SERPINB9: variants seen among roughly 807,000 people sequenced by gnomAD.
SERPINB9 encodes serpin B9.
SERPINB9 carries 20 observed loss-of-function variants against 27.2 expected under a neutral mutation model. The ratio of observed to expected loss-of-function variants is 0.74; its 90% CI spans 0.52 to 1.07. The LOEUF is 1.07. Ranked by LOEUF, SERPINB9 falls within the 50% of genes least tolerant of loss-of-function variation. The pLI, the probability that SERPINB9 is intolerant of heterozygous loss-of-function variation, is 0.00. For synonymous variants in SERPINB9, 189 were observed against 180.0 expected, an observed-to-expected ratio of 1.05 and a Z score of -0.40; for missense variants, 476 against 460.1, an observed-to-expected ratio of 1.03 and a Z score of -0.32.
At position 2,896,142 on chromosome 6, in the gene SERPINB9, G is replaced by C; in HGVS notation, c.217C>G (p.Leu73Val). 4 of 1,614,110 alleles carry C rather than the reference G, an allele frequency of 2.5e-6. No individual in the cohort carries two copies. Among genetic ancestry groups the C allele is most frequent in the Non-Finnish European group, 3.4e-6 (4 of 1,179,984 alleles). Residue 73 changes from leucine to valine, a missense_variant, in exon 3 of 7, where the codon CTT (leucine) becomes GTT (valine). Leu to Val is a conservative substitution (Grantham distance 32, BLOSUM62 1). Transcript: ENST00000380698. The stretch of plus-strand genomic sequence containing the variant: ...CCAGCCTTGTTCACTTCAGTGAGAA[G>C]CGACTGGAAAGCCCGATGAATGTCT... ...EEDIHRAFQS[L>V]LTEVNKAGTQ...
rs61100591 is a variant in SERPINB9, at chr6:2,900,885, T to TCTCTCTCTCA, written c.-10-265_-10-264insTGAGAGAGAG. On this transcript the variant is annotated intron_variant, in intron 1 of 6. Transcript: ENST00000380698. ...TGGCTCGCCTGCAGAGCTCGCTCTC[T>TCTCTCTCTCA]CACACACACACACACACACACACAC... Among the ~76,000 whole-genome samples the TCTCTCTCTCA allele has an allele frequency of 1.6e-3, 221 of 141,570 alleles. 1 individual carries two copies. Among genetic ancestry groups the TCTCTCTCTCA allele is most frequent in the African/African-American group, 6.0e-3 (216 of 35,842 alleles). The allele number at this position is 141,570 out of a possible 152,430, so 92.9% of individuals were successfully genotyped here. A position where few individuals can be genotyped will look rare whatever the true frequency, so the allele number is the denominator to read the frequency against.
In SERPINB9 at chr6:2,890,635, T is replaced by G; in HGVS notation, c.724-65A>C. 6.8e-7 allele frequency: 1 copy of G among 1,463,972 alleles called. No individual in the cohort carries two copies. Among genetic ancestry groups the G allele is most frequent in the Non-Finnish European group, 9.3e-7 (1 of 1,072,042 alleles). The allele number at this position is 1,463,972 out of a possible 1,614,324, so 90.7% of individuals were successfully genotyped here. On this transcript the variant is annotated intron_variant, in intron 6 of 6. Coordinates refer to ENST00000380698, the MANE Select transcript of SERPINB9 (RefSeq NM_004155.6). The surrounding 1 kb of genome is among the most constrained non-coding windows in gnomAD (Gnocchi z 6.2). ...TGCACATGTACAAGCGCACAGGCAC[T>G]CACAGTTCCCTTCCTCCCCTTGCAC...
chr6:2,900,779 G>T (rs1248919799), intron 1 of SERPINB9, among the ~76,000 whole-genome samples, 158 bp from the exon 2 acceptor site: 3 of 151,890 alleles, frequency 2.0e-5, no homozygotes. Flanking sequence ...TTAGTCTCCG[G>T]CCAAAAATTA....
chr6:2,891,769 G>A lies in SERPINB9; in HGVS notation c.723+64C>T. Reference sequence around the variant, plus strand: ...ACTCAGAAGGTGAATATGAGAGGTGGAAGTGGCACTCGAGTTCTGCCCGCA... The same window carrying A: ...ACTCAGAAGGTGAATATGAGAGGTGAAAGTGGCACTCGAGTTCTGCCCGCA... On this transcript the variant is annotated intron_variant, in intron 6 of 6. Coordinates refer to ENST00000380698, the MANE Select transcript of SERPINB9 (RefSeq NM_004155.6). The surrounding 1 kb of genome is among the most constrained non-coding windows in gnomAD (Gnocchi z 4.0). 1 of 1,514,664 alleles carries A rather than the reference G, an allele frequency of 6.6e-7. No homozygotes were observed. The allele number at this position is 1,514,664 out of a possible 1,614,324, so 93.8% of individuals were successfully genotyped here. A position where few individuals can be genotyped will look rare whatever the true frequency, so the allele number is the denominator to read the frequency against.
intron 2 of SERPINB9, among the ~76,000 whole-genome samples, chr6:2,897,434 C>A (rs935734897): frequency 4.6e-5 from 7 of 152,112 alleles, no homozygotes; most frequent in Non-Finnish European, 8.8e-5. Context: ...CCACTGCACT[C>A]CAGCCTGGGC....
chr6:2,888,593 C>T lies in SERPINB9; in HGVS notation c.*1570G>A, dbSNP rs1297328233. ...GAAGCCAGACACAAAAGGTCTCATA[C>T]AATTCAATTTATATAAAATAGCAAG... On this transcript the variant is annotated 3_prime_UTR_variant, in exon 7 of 7. Transcript: ENST00000380698. 1 of 152,110 alleles carries T rather than the reference C, an allele frequency of 6.6e-6. No individual in the cohort carries two copies. The highest frequency in any genetic ancestry group is 6.5e-5 in the Admixed American group (1 of 15,272). The allele number at this position is 152,110 out of a possible 1,614,324, so 9.4% of individuals were successfully genotyped here.
rs145879309 is a variant in SERPINB9, at chr6:2,891,918, C to T, written c.638G>A (p.Arg213His). ...TFKLAHVGEV[R>H]AQLLELPYAR... ...GTAGGGCAGCTCCAGCAGCTGCGCG[C>T]GCACCTCGCCCACGTGGGCGAGCTT... The change falls in exon 6 of 7, where the codon CGC (arginine) becomes CAC (histidine). Residue 213 changes from arginine to histidine, a missense_variant. Physicochemically the swap from Arg to His is conservative, Grantham distance 29 (BLOSUM62 0). Coordinates refer to ENST00000380698, the MANE Select transcript of SERPINB9 (RefSeq NM_004155.6). The surrounding 1 kb of genome is among the most constrained non-coding windows in gnomAD (Gnocchi z 4.0). 4.3e-6 allele frequency: 7 copies of T among 1,613,178 alleles called. No homozygotes were observed. The Admixed American group carries it at 5.0e-5, about 12-fold the overall frequency.
At chr6:2,902,762 A>C (rs1581203575) in intron 1 of SERPINB9, among the ~76,000 whole-genome samples, 1 of 152,092 alleles carries the variant, frequency 6.6e-6, no homozygotes, top group South Asian at 2.1e-4. Flanking sequence ...CAAGGATCCG[A>C]CCGCCTTGGC....
At chr6:2,895,350 G>C in intron 4 of SERPINB9, 41 bp downstream of exon 4, 1 of 1,334,470 alleles carries the variant, frequency 7.5e-7, no homozygotes, top group Non-Finnish European at 1.1e-6. Flanking sequence ...CGCAGGAGGA[G>C]GACGGGTTGG....
Position 2,890,047 on chromosome 6 carries a change from A to T in SERPINB9, c.*116T>A. The T allele has an allele frequency of 1.1e-6, 1 of 934,098 alleles. No individual in the cohort carries two copies. The highest frequency in any genetic ancestry group is 1.8e-5 in the South Asian group (1 of 56,378). The allele number at this position is 934,098 out of a possible 1,614,324, so 57.9% of individuals were successfully genotyped here. A position where few individuals can be genotyped will look rare whatever the true frequency, so the allele number is the denominator to read the frequency against. ...TGGCAAATCATGAGGGCAGACAGGT[A>T]AAGAATCTGCCCTCATCTTTGCACT... On this transcript the variant is annotated 3_prime_UTR_variant, in exon 7 of 7. Coordinates refer to ENST00000380698, the MANE Select transcript of SERPINB9 (RefSeq NM_004155.6). This position sits in a 1 kb window ranked among gnomAD's most constrained non-coding sequence, Gnocchi z 6.2.
rs566457513 is a variant in SERPINB9, at chr6:2,891,561, T to A, written c.723+272A>T. 6.6e-6 allele frequency among the ~76,000 whole-genome samples: 1 copy of A among 152,240 alleles called. No individual in the cohort carries two copies. The highest frequency in any genetic ancestry group is 1.9e-4 in the East Asian group (1 of 5,172). On this transcript the variant is annotated intron_variant, in intron 6 of 6. Transcript: ENST00000380698. This position sits in a 1 kb window ranked among gnomAD's most constrained non-coding sequence, Gnocchi z 4.0. ...ACTAGCAGGATTTTTATAAGCTTCC[T>A]CCTACCTGATTTATTTTAAAAGGCA...
intron 1 of SERPINB9, among the ~76,000 whole-genome samples, chr6:2,902,164 C>T (rs1289873409): frequency 2.0e-5 from 3 of 152,344 alleles, no homozygotes; most frequent in African/African-American, 7.2e-5. Context: ...TCTTCACAAA[C>T]ACTGTTGGTC....
At chr6:2,897,097 G>A (rs1768024824) in intron 2 of SERPINB9, among the ~76,000 whole-genome samples, 1 of 143,326 alleles carries the variant, frequency 7.0e-6, no homozygotes. Flanking sequence ...CTGCACTCCA[G>A]CCTAGGAGAC....
At position 2,891,852 on chromosome 6, in the gene SERPINB9, T is replaced by A; in HGVS notation, c.704A>T (p.Asp235Val). The change falls in exon 6 of 7, where the codon GAC (aspartate) becomes GTC (valine). Residue 235 changes from aspartate to valine, a missense_variant. Transcript: ENST00000380698. The surrounding 1 kb of genome is among the most constrained non-coding windows in gnomAD (Gnocchi z 4.0). ...TCTTACCGTGCTGAGCTCCACGCCG[T>A]CGTCAGGCAGCAGCACCAGCAGGCT... ...ELSLLVLLPDDGVELSTVEKS... is the reference protein window; with the variant it reads ...ELSLLVLLPDVGVELSTVEKS... The A allele has an allele frequency of 2.5e-6, 4 of 1,607,376 alleles. No homozygotes were observed. The highest frequency in any genetic ancestry group is 3.4e-6 in the Non-Finnish European group (4 of 1,179,008).
rs35916133 is a variant in SERPINB9, at chr6:2,887,846, CAAAAAAAAAAAAAA to C, written c.*2303_*2316del. On this transcript the variant is annotated 3_prime_UTR_variant, in exon 7 of 7. Transcript: ENST00000380698. Reference sequence around the variant, plus strand: ...TGGGTGACAGAGTGAGGCACTGTCTCAAAAAAAAAAAAAAAAAAAAAAAAGATACTGAACTAGGC... The same window carrying C: ...TGGGTGACAGAGTGAGGCACTGTCTCAAAAAAAAAAGATACTGAACTAGGC... 9.6e-5 allele frequency: 6 copies of C among 62,432 alleles called. No homozygotes were observed. The Admixed American group carries it at 1.1e-3, about 11-fold the overall frequency. 3.9% of individuals were successfully genotyped at this position (62,432 alleles called of 1,614,324 possible). A position where few individuals can be genotyped will look rare whatever the true frequency, so the allele number is the denominator to read the frequency against.
At position 2,893,482 on chromosome 6, in the gene SERPINB9, A is replaced by T. The variant is rs780750328; in HGVS notation, c.496T>A (p.Tyr166Asn). Residue 166 changes from tyrosine to asparagine, a missense_variant, in exon 5 of 7, where the codon TAC becomes AAC. Tyr to Asn is a moderately radical substitution (Grantham distance 143). Transcript: ENST00000380698. ...GGTTCATTCCACTTTCCTTTGAAGT[A>T]GATGGCATTGACAAGAACCAGCCTG... Reference protein sequence around the residue: ...ETRLVLVNAIYFKGKWNEPFD... With the variant: ...ETRLVLVNAINFKGKWNEPFD... 6.2e-7 allele frequency: 1 copy of T among 1,613,556 alleles called. No homozygotes were observed. The highest frequency in any genetic ancestry group is 1.7e-5 in the Admixed American group (1 of 59,964).
Position 2,900,548 on chromosome 6 carries a change from C to T in SERPINB9, c.64G>A (p.Asp22Asn). ...AIRLLKILCQDNPSHNVFCSP... is the reference protein window; with the variant it reads ...AIRLLKILCQNNPSHNVFCSP... ...CAGAACACGTTGTGCGAAGGGTTAT[C>T]TTGACACAGTATCTTTAAAAGGCGT... The change falls in exon 2 of 7, where the codon GAT becomes AAT. Residue 22 changes from aspartate (D) to asparagine (N), a missense_variant. Asp to Asn is a conservative substitution (Grantham distance 23, BLOSUM62 1). Transcript: ENST00000380698. 4 of 1,614,124 alleles carry T rather than the reference C, an allele frequency of 2.5e-6. No individual in the cohort carries two copies. The Middle Eastern group carries it at 6.6e-4, about 266-fold the overall frequency.
In SERPINB9 at chr6:2,895,411, C is replaced by A. The variant is rs868637153; in HGVS notation, c.404G>T (p.Trp135Leu). 6.2e-7 allele frequency: 1 copy of A among 1,611,842 alleles called. No homozygotes were observed. ...CTGACCTTCGGTCTTTTTTGAGACC[C>A]AGGTGTTGATGTGTTTCCTGGACTC... The part of the protein sequence containing the change: ...AEESRKHINT[W>L]VSKKTEGKIE... Residue 135 changes from tryptophan (W) to leucine (L), a missense_variant, in exon 4 of 7, where the codon TGG becomes TTG. Physicochemically the swap from Trp to Leu is moderately conservative, Grantham distance 61. Coordinates refer to ENST00000380698, the MANE Select transcript of SERPINB9 (RefSeq NM_004155.6).
intron 1 of SERPINB9, among the ~76,000 whole-genome samples, chr6:2,902,039 G>A (rs771440476): frequency 2.0e-5 from 3 of 151,964 alleles, no homozygotes; most frequent in South Asian, 2.1e-4. Context: ...AAAGGTGGCC[G>A]CTCAAAGCCA....
Sources: gnomAD v4.1 joint callset for allele counts (sites outside exome capture counted in the v4.1 genomes callset) on GRCh38, gnomAD v4.1.1 for gene constraint, Gnocchi (gnomAD v3.1) non-coding constraint, MANE v1.5 for transcripts, NCBI Gene and HGNC (gene_info 2026-07-23, HGNC 2026-07-21) for gene names.